The following GRM5 variants were observed in gnomAD, a reference collection of about 807,000 sequenced individuals.
GRM5 encodes the protein metabotropic glutamate receptor 5.
GRM5 carries 19 observed loss-of-function variants against 83.1 expected under a neutral mutation model. The observed-to-expected ratio is 0.23, with a 90% CI of 0.16 to 0.34. The LOEUF (loss-of-function observed/expected upper bound fraction) is 0.34. GRM5 is among the 10% of genes least tolerant of loss of function. The pLI is 1.00. For missense variants in GRM5, 1,160 were observed against 1,588.3 expected (o/e 0.73, Z 4.58); for synonymous variants, 675 against 633.6 (o/e 1.07, Z -0.98).
chr11:89,018,843 G>A (rs757011068), intron 2 of GRM5, among the ~76,000 whole-genome samples: 1 of 152,162 alleles, frequency 6.6e-6, no homozygotes, highest in Admixed American at 6.5e-5. Context: ...TAGAACCACT[G>A]TAAATATTGC....
chr11:88,615,224 C>T (rs1049405634), intron 4 of GRM5, among the ~76,000 whole-genome samples: 1 of 151,890 alleles, frequency 6.6e-6, no homozygotes, highest in East Asian at 1.9e-4. Flanking sequence ...TCCTAATCAC[C>T]CAGAGACCCA....
intron 2 of GRM5, among the ~76,000 whole-genome samples, chr11:88,966,890 A>C (rs1298263895): frequency 1.3e-5 from 2 of 152,118 alleles, no homozygotes; most frequent in African/African-American, 4.8e-5. Context: ...CATGGAATAA[A>C]CATGAAGCAT....
At chr11:89,056,479 G>A (rs1045441094) in intron 1 of GRM5, among the ~76,000 whole-genome samples, 2 of 152,114 alleles carry the variant, frequency 1.3e-5, no homozygotes, top group Non-Finnish European at 2.9e-5. Flanking sequence ...TCAGCGTAAA[G>A]AGCCTTTTTT....
intron 3 of GRM5, among the ~76,000 whole-genome samples, chr11:88,783,974 G>A (rs1281086373): frequency 6.6e-5 from 10 of 151,942 alleles, no homozygotes; most frequent in Admixed American, 3.3e-4. Context: ...ATTATCAGTG[G>A]AGTACTGATG....
rs144601781 is a variant in GRM5 at position 88,597,269 on chromosome 11, T to G, written c.1478A>C (p.Lys493Thr). The change falls in exon 6 of 10, where the codon AAA (lysine) becomes ACA (threonine). Residue 493 changes from lysine (K) to threonine (T), a missense_variant. Transcript: ENST00000305447. ...GGACCATACTTCATCATCATCCATT[T>G]TTAATTCTCCATTGTCCCAACTTCC... ...NVGSWDNGEL[K>T]MDDDEVWSKK... 1 of 1,603,678 alleles carries G rather than the reference T, an allele frequency of 6.2e-7. No individual in the cohort carries two copies. Among genetic ancestry groups the G allele is most frequent in the Non-Finnish European group, 8.5e-7 (1 of 1,170,898 alleles).
intron 2 of GRM5, among the ~76,000 whole-genome samples, chr11:88,996,019 C>T (rs1940176138): frequency 1.3e-5 from 2 of 151,790 alleles, no homozygotes; most frequent in South Asian, 4.2e-4. Context: ...AAAAGAAAAA[C>T]CTCACAGAGA....
intron 2 of GRM5, among the ~76,000 whole-genome samples, chr11:88,951,447 A>T (rs531219462): frequency 2.6e-5 from 4 of 152,336 alleles, no homozygotes; most frequent in African/African-American, 9.6e-5. Flanking sequence ...CCTGTCTGCC[A>T]CTGAGCCTGC....
chr11:88,538,610 T>A (rs1012671709), intron 8 of GRM5, among the ~76,000 whole-genome samples: 1 of 152,162 alleles, frequency 6.6e-6, no homozygotes, highest in Non-Finnish European at 1.5e-5. Context: ...AGATTTTTCC[T>A]CACATTTTTA....
intron 2 of GRM5, among the ~76,000 whole-genome samples, chr11:88,881,156 A>AT (rs1427753255): frequency 9.2e-4 from 139 of 151,822 alleles, no homozygotes; most frequent in South Asian, 1.9e-3. Flanking sequence ...TTAAAAAAAA[A>AT]ATATTATTAA....
intron 3 of GRM5, among the ~76,000 whole-genome samples, chr11:88,763,000 A>G (rs919795071): frequency 6.6e-5 from 10 of 151,928 alleles, no homozygotes; most frequent in Non-Finnish European, 1.2e-4. Flanking sequence ...GAGGAGAATA[A>G]CAGACGTGGG....
intron 2 of GRM5, among the ~76,000 whole-genome samples, chr11:88,975,772 A>G (rs1939315246): frequency 1.3e-5 from 2 of 152,222 alleles, no homozygotes; most frequent in African/African-American, 4.8e-5. Context: ...TAAAATGACA[A>G]TGTTGGTCTC....
chr11:88,976,802 A>C (rs546599838), intron 2 of GRM5, among the ~76,000 whole-genome samples: 1 of 152,232 alleles, frequency 6.6e-6, no homozygotes, highest in South Asian at 2.1e-4. Flanking sequence ...ATAAAAATGG[A>C]AGTTCTTTTA....
At chr11:88,951,924 T>C (rs1156263039) in intron 2 of GRM5, among the ~76,000 whole-genome samples, 3 of 152,240 alleles carry the variant, frequency 2.0e-5, no homozygotes, top group Non-Finnish European at 4.4e-5. Context: ...TTCAGTCTAT[T>C]TGCTTTTGAC....
intron 2 of GRM5, among the ~76,000 whole-genome samples, chr11:88,928,164 A>T (rs117597428): frequency 0.024 from 3,713 of 152,266 alleles, 209 homozygotes; most frequent in Admixed American, 0.14. Context: ...CAAAGGAGAT[A>T]TCAACAAAAT....
chr11:88,762,368 G>A (rs887964311), intron 3 of GRM5, among the ~76,000 whole-genome samples: 1 of 151,916 alleles, frequency 6.6e-6, no homozygotes, highest in African/African-American at 2.4e-5. Flanking sequence ...TTAAAATGTG[G>A]ACAAAGTACA....
intron 2 of GRM5, among the ~76,000 whole-genome samples, chr11:89,037,208 A>G (rs914257869): frequency 1.3e-5 from 2 of 152,072 alleles, no homozygotes; most frequent in African/African-American, 4.8e-5. Context: ...AATTTGTTAA[A>G]TGTAAATGTT....
In GRM5 at chr11:88,926,748, C is replaced by A. The variant is rs894097766; in HGVS notation, c.662-76593G>T. ...GAGAAATCTATTTCTTAAATGACATCAATCTAAGATCCACCAAAATGTTAA... is the reference window on the plus strand; with the variant it reads ...GAGAAATCTATTTCTTAAATGACATAAATCTAAGATCCACCAAAATGTTAA... On this transcript the variant is annotated intron_variant, in intron 2 of 9. Transcript: ENST00000305447. Among the ~76,000 whole-genome samples, 16 of 152,214 alleles carry A rather than the reference C, an allele frequency of 1.1e-4. 1 individual carries two copies. In the South Asian group the frequency reaches 2.7e-3, roughly 26 times the overall value.
In GRM5 at chr11:88,583,873, A is replaced by C. The variant is rs114402676; in HGVS notation, c.1690+6728T>G. On this transcript the variant is annotated intron_variant, in intron 7 of 9. Coordinates refer to ENST00000305447, the MANE Select transcript of GRM5 (RefSeq NM_001143831.3). Reference sequence around the variant, plus strand: ...TCCTTTCTCTCTCAAACCAGACTACATTTTTCTGAGAACTAATTACCTTGT... The same window carrying C: ...TCCTTTCTCTCTCAAACCAGACTACCTTTTTCTGAGAACTAATTACCTTGT... Among the ~76,000 whole-genome samples the C allele has an allele frequency of 7.3e-3, 1,104 of 152,102 alleles. 11 individuals carry two copies. Among genetic ancestry groups the C allele is most frequent in the African/African-American group, 0.026 (1,066 of 41,482 alleles).
At chr11:88,874,802 T>G (rs932375424) in intron 2 of GRM5, among the ~76,000 whole-genome samples, 10 of 151,962 alleles carry the variant, frequency 6.6e-5, no homozygotes, top group African/African-American at 2.2e-4. Flanking sequence ...GTCACAAAAT[T>G]TTTTGCTTTT....
Sources: gnomAD v4.1 joint callset for allele counts (sites outside exome capture counted in the v4.1 genomes callset) on GRCh38, gnomAD v4.1.1 for gene constraint, MANE v1.5 for transcripts, NCBI Gene and HGNC (gene_info 2026-07-23, HGNC 2026-07-21) for gene names.